CSMD3: variants seen among roughly 807,000 people sequenced by gnomAD.
CSMD3 encodes the protein CUB and sushi domain-containing protein 3.
CSMD3 carries 177 observed loss-of-function variants against 435.2 expected under a neutral mutation model. The observed-to-expected ratio is 0.41, with a 90% confidence interval of 0.36 to 0.46. CSMD3 has a LOEUF of 0.46. CSMD3 is among the 20% of genes least tolerant of loss of function. The probability of loss-of-function intolerance (pLI) is 0.34; values close to 1 mark genes in which losing one functional copy is unlikely to be tolerated. For missense variants in CSMD3, 4,265 were observed against 4,504.6 expected (o/e 0.95, Z 1.52); for synonymous variants, 1,656 against 1,520.5 (o/e 1.09, Z -2.07).
chr8:113,143,886 T>C (rs12675949), intron 4 of CSMD3, among the ~76,000 whole-genome samples: 101,713 of 151,108 alleles, frequency 0.67, 35,838 homozygotes, highest in East Asian at 0.95. Context: ...ATGTAAATAT[T>C]AACATCCTGG....
At chr8:113,139,732 T>C (rs2091502120) in intron 4 of CSMD3, among the ~76,000 whole-genome samples, 1 of 150,972 alleles carries the variant, frequency 6.6e-6, no homozygotes, top group Non-Finnish European at 1.5e-5. Context: ...ATATAAAAGC[T>C]CTAAATACAC....
intron 3 of CSMD3, among the ~76,000 whole-genome samples, chr8:113,272,072 A>G (rs1451354936): frequency 6.6e-6 from 1 of 152,100 alleles, no homozygotes; most frequent in Non-Finnish European, 1.5e-5. Context: ...GTATTTTTTC[A>G]ATACCTGTAC....
At chr8:112,546,843 G>T (rs1478511282) in intron 27 of CSMD3, among the ~76,000 whole-genome samples, 1 of 152,110 alleles carries the variant, frequency 6.6e-6, no homozygotes, top group African/African-American at 2.4e-5. Flanking sequence ...AAGGATGAAT[G>T]GATCATGAAA....
chr8:112,990,095 G>A (rs538309476), intron 6 of CSMD3, among the ~76,000 whole-genome samples: 4 of 152,058 alleles, frequency 2.6e-5, no homozygotes, highest in South Asian at 4.1e-4. Flanking sequence ...CCCCAGCCAC[G>A]TGGAAATGTG....
intron 1 of CSMD3, among the ~76,000 whole-genome samples, chr8:113,337,772 T>C (rs906786202): frequency 1.3e-5 from 2 of 151,978 alleles, no homozygotes; most frequent in Non-Finnish European, 2.9e-5. Context: ...AGATCTATTG[T>C]ATAACATGGT....
chr8:112,634,371 C>T (rs1197303809), intron 22 of CSMD3, among the ~76,000 whole-genome samples: 1 of 151,904 alleles, frequency 6.6e-6, no homozygotes, highest in African/African-American at 2.4e-5. Context: ...GGAGGAGTAA[C>T]ATTTTAAAAA....
intron 1 of CSMD3, among the ~76,000 whole-genome samples, chr8:113,429,158 T>G (rs186931304): frequency 6.6e-6 from 1 of 151,710 alleles, no homozygotes. Flanking sequence ...ATCACTAAAA[T>G]TGATAACGTA....
chr8:112,364,998 T>C (rs1827626271), intron 38 of CSMD3, among the ~76,000 whole-genome samples: 1 of 152,106 alleles, frequency 6.6e-6, no homozygotes, highest in African/African-American at 2.4e-5. Flanking sequence ...GTAACCAATA[T>C]ATGTTCCTAA....
Position 112,920,916 on chromosome 8 carries a change from TATACAC to T in CSMD3, c.1633+705_1633+710del, listed in dbSNP as rs1211329021. ...CAATATTTTGCCATATATATATATA[TATACAC>T]ACACACACACACACACACGCACATA... is the stretch of plus-strand genomic sequence containing the variant. On this transcript the variant is annotated intron_variant, in intron 10 of 70. Transcript: ENST00000297405. 4.8e-5 allele frequency among the ~76,000 whole-genome samples: 7 copies of T among 145,770 alleles called. No individual in the cohort carries two copies. The South Asian group carries it at 6.5e-4, about 13-fold the overall frequency.
chr8:112,444,598 A>C (rs1815393351), intron 32 of CSMD3, among the ~76,000 whole-genome samples: 1 of 152,220 alleles, frequency 6.6e-6, no homozygotes, highest in African/African-American at 2.4e-5. Flanking sequence ...GCAAAAACAT[A>C]AGGCAAACAA....
At chr8:112,804,644 T>G (rs1232771165) in intron 12 of CSMD3, among the ~76,000 whole-genome samples, 1 of 129,624 alleles carries the variant, frequency 7.7e-6, no homozygotes, top group African/African-American at 3.0e-5. Context: ...TCATGCTAAC[T>G]CATTGCATTT....
At chr8:112,284,381 G>C (rs1021674743) in intron 58 of CSMD3, among the ~76,000 whole-genome samples, 1 of 151,630 alleles carries the variant, frequency 6.6e-6, no homozygotes, top group Non-Finnish European at 1.5e-5. Flanking sequence ...TTGGAATAAA[G>C]AGTAAAAATA....
At chr8:113,381,314 T>C (rs1016799723) in intron 1 of CSMD3, among the ~76,000 whole-genome samples, 3 of 152,108 alleles carry the variant, frequency 2.0e-5, no homozygotes, top group Non-Finnish European at 4.4e-5. Flanking sequence ...CATTTATATA[T>C]GAAGAAGAAA....
intron 3 of CSMD3, among the ~76,000 whole-genome samples, chr8:113,248,083 G>A (rs2093294669): frequency 6.6e-6 from 1 of 151,902 alleles, no homozygotes; most frequent in Admixed American, 6.6e-5. Flanking sequence ...AAAATGTCAG[G>A]AATCAAATTT....
chr8:112,326,564 C>T (rs946455626), intron 45 of CSMD3, among the ~76,000 whole-genome samples: 1 of 152,174 alleles, frequency 6.6e-6, no homozygotes, highest in Non-Finnish European at 1.5e-5. Flanking sequence ...TTCCGCTTGA[C>T]AAATATTGGC....
intron 31 of CSMD3, among the ~76,000 whole-genome samples, chr8:112,492,044 C>A (rs1164744586): frequency 5.9e-5 from 9 of 152,134 alleles, no homozygotes; most frequent in African/African-American, 2.2e-4. Flanking sequence ...AATACATATT[C>A]TTCTTTATCC....
At chr8:113,094,434 T>G (rs1233979146) in intron 5 of CSMD3, among the ~76,000 whole-genome samples, 1 of 152,154 alleles carries the variant, frequency 6.6e-6, no homozygotes, top group African/African-American at 2.4e-5. Flanking sequence ...ACTCCTTCAC[T>G]TTGCTTAAAT....
chr8:113,005,684 C>T (rs1211382096), intron 6 of CSMD3, among the ~76,000 whole-genome samples: 2 of 151,932 alleles, frequency 1.3e-5, no homozygotes, highest in Non-Finnish European at 2.9e-5. Context: ...AGATATTCAG[C>T]AATTTTTATA....
chr8:113,404,568 T>C (rs1287458101), intron 1 of CSMD3, among the ~76,000 whole-genome samples: 1 of 151,394 alleles, frequency 6.6e-6, no homozygotes, highest in African/African-American at 2.4e-5. Context: ...AGCTGTATTA[T>C]AATATAATTT....
Sources: gnomAD v4.1 joint callset for allele counts (sites outside exome capture counted in the v4.1 genomes callset) on GRCh38, gnomAD v4.1.1 for gene constraint, MANE v1.5 for transcripts, NCBI Gene and HGNC (gene_info 2026-07-23, HGNC 2026-07-21) for gene names.